Variants in CCSER1 observed in about 807,000 individuals in gnomAD.
The protein encoded by CCSER1 is serine-rich coiled-coil domain-containing protein 1.
A neutral mutation model predicts 82.0 loss-of-function variants in CCSER1; 41 were observed. That is an observed-to-expected ratio of 0.50 (90% CI 0.39 to 0.65). CCSER1 has a LOEUF of 0.65. Among genes scored for constraint, CCSER1 ranks in the 30% least tolerant of loss-of-function variants. The pLI, the probability that CCSER1 is intolerant of heterozygous loss-of-function variation, is 0.00. For synonymous variants in CCSER1, 414 were observed against 383.9 expected (o/e 1.08, Z -0.92); for missense variants, 1,119 against 1,064.2 (o/e 1.05, Z -0.72).
At chr4:90,412,493 T>A (rs1755028104) in intron 4 of CCSER1, among the ~76,000 whole-genome samples, 1 of 143,796 alleles carries the variant, frequency 7.0e-6, no homozygotes, top group Non-Finnish European at 1.5e-5. Context: ...TTTTGAATGT[T>A]AAAAAAAGAT....
At chr4:90,408,914 C>T (rs184300300) in intron 4 of CCSER1, among the ~76,000 whole-genome samples, 7 of 152,258 alleles carry the variant, frequency 4.6e-5, no homozygotes, top group Admixed American at 3.3e-4. Flanking sequence ...ACTGGAATAA[C>T]CAATGCAGAG....
chr4:90,797,896 C>A (rs992327381), intron 7 of CCSER1, among the ~76,000 whole-genome samples: 2 of 152,162 alleles, frequency 1.3e-5, no homozygotes, highest in Non-Finnish European at 2.9e-5. Flanking sequence ...TCTCTAGCTC[C>A]CTTTAACATT....
chr4:91,206,535 C>T (rs559301145), intron 10 of CCSER1, among the ~76,000 whole-genome samples: 2 of 151,990 alleles, frequency 1.3e-5, no homozygotes, highest in East Asian at 3.9e-4. Flanking sequence ...AATACAATTA[C>T]AACAATATAG....
intron 4 of CCSER1, among the ~76,000 whole-genome samples, chr4:90,409,124 A>T (rs1754244963): frequency 6.6e-6 from 1 of 152,218 alleles, no homozygotes; most frequent in African/African-American, 2.4e-5. Context: ...GAAATATGGG[A>T]CTATGTGAAA....
intron 8 of CCSER1, among the ~76,000 whole-genome samples, chr4:90,901,978 A>T (rs1377352271): frequency 6.6e-6 from 1 of 151,688 alleles, no homozygotes; most frequent in East Asian, 1.9e-4. Flanking sequence ...GACTTTCTTC[A>T]TTTTTTAAAG....
At chr4:90,771,433 T>G (rs1422769800) in intron 7 of CCSER1, among the ~76,000 whole-genome samples, 1 of 151,566 alleles carries the variant, frequency 6.6e-6, no homozygotes, top group African/African-American at 2.4e-5. Context: ...CCTTATAGAT[T>G]TATACTTGAA....
intron 6 of CCSER1, among the ~76,000 whole-genome samples, chr4:90,674,792 A>T (rs977892206): frequency 2.6e-5 from 4 of 151,844 alleles, no homozygotes; most frequent in African/African-American, 9.7e-5. Flanking sequence ...CATTTTCTGC[A>T]CATGAGTGGT....
chr4:91,132,271 G>C (rs1444239134), intron 10 of CCSER1, among the ~76,000 whole-genome samples: 2 of 152,110 alleles, frequency 1.3e-5, no homozygotes, highest in Non-Finnish European at 2.9e-5. Flanking sequence ...CTAGTGCAGA[G>C]TTAATTAATT....
chr4:91,148,569 T>G (rs1729783361), intron 10 of CCSER1, among the ~76,000 whole-genome samples: 1 of 152,128 alleles, frequency 6.6e-6, no homozygotes, highest in Non-Finnish European at 1.5e-5. Flanking sequence ...TATGCCATGT[T>G]GGTGTGCTGC....
At chr4:90,684,714 G>A (rs1266673612) in intron 6 of CCSER1, among the ~76,000 whole-genome samples, 1 of 152,130 alleles carries the variant, frequency 6.6e-6, no homozygotes, top group Non-Finnish European at 1.5e-5. Context: ...ATTCCCACCT[G>A]TTGTGGGAAG....
At chr4:90,140,017 C>T (rs866475337) in intron 1 of CCSER1, among the ~76,000 whole-genome samples, 28 of 151,932 alleles carry the variant, frequency 1.8e-4, no homozygotes, top group African/African-American at 5.1e-4. Flanking sequence ...CAAAAGATCT[C>T]GGTAATCATC....
intron 6 of CCSER1, among the ~76,000 whole-genome samples, chr4:90,687,050 C>G (rs1272743140): frequency 6.6e-6 from 1 of 152,146 alleles, no homozygotes; most frequent in Non-Finnish European, 1.5e-5. Context: ...TTCTCTAGGA[C>G]TGGTAGCAAA....
chr4:90,337,158 A>G (rs1740555879), intron 3 of CCSER1, among the ~76,000 whole-genome samples: 1 of 152,250 alleles, frequency 6.6e-6, no homozygotes, highest in Non-Finnish European at 1.5e-5. Context: ...AGAAAGCAGA[A>G]TTGCACAGAA....
intron 10 of CCSER1, among the ~76,000 whole-genome samples, chr4:91,438,198 CT>C (rs1754814460): frequency 6.6e-6 from 1 of 152,216 alleles, no homozygotes; most frequent in Admixed American, 6.5e-5. Flanking sequence ...TCCCTGACCC[CT>C]GACCCCTGAG....
chr4:90,417,565 T>C (rs866638591), intron 4 of CCSER1, among the ~76,000 whole-genome samples: 5 of 152,270 alleles, frequency 3.3e-5, no homozygotes, highest in South Asian at 2.1e-4. Context: ...TATGTTGTTT[T>C]GGTTATTTAT....
chr4:91,425,766 T>C (rs577067925), intron 10 of CCSER1, among the ~76,000 whole-genome samples: 1 of 152,174 alleles, frequency 6.6e-6, no homozygotes. Context: ...AAGTATAAAG[T>C]TTCATTTATG....
intron 10 of CCSER1, among the ~76,000 whole-genome samples, chr4:91,384,385 A>AT (rs1485980961): frequency 1.4e-5 from 2 of 144,894 alleles, no homozygotes; most frequent in Non-Finnish European, 3.0e-5. Flanking sequence ...CGTTTCCGTT[A>AT]TTTTTTATTA....
At chr4:90,701,593 G>A (rs1215823362) in intron 6 of CCSER1, among the ~76,000 whole-genome samples, 3 of 152,182 alleles carry the variant, frequency 2.0e-5, no homozygotes, top group Admixed American at 6.5e-5. Flanking sequence ...CCATTTTCAC[G>A]ATATTGATTC....
intron 8 of CCSER1, among the ~76,000 whole-genome samples, chr4:90,816,971 G>C (rs1353655139): frequency 6.6e-6 from 1 of 151,974 alleles, no homozygotes; most frequent in East Asian, 1.9e-4. Context: ...TGTTACTGTG[G>C]CTTTAGAAGA....
Sources: gnomAD v4.1 joint callset for allele counts (sites outside exome capture counted in the v4.1 genomes callset) on GRCh38, gnomAD v4.1.1 for gene constraint, MANE v1.5 for transcripts, NCBI Gene and HGNC (gene_info 2026-07-23, HGNC 2026-07-21) for gene names.